The following COL19A1 variants were observed in gnomAD, a reference collection of about 807,000 sequenced individuals.
COL19A1 encodes collagen alpha-1(XIX) chain.
COL19A1 carries 159 observed loss-of-function variants against 190.2 expected under a neutral mutation model. That is an observed-to-expected ratio of 0.84 (90% CI 0.73 to 0.95). The LOEUF is 0.95. COL19A1 is among the 40% of genes least tolerant of loss of function. The pLI, the probability that COL19A1 is intolerant of heterozygous loss-of-function variation, is 0.00. For missense variants in COL19A1, 1,418 were observed against 1,431.9 expected, an observed-to-expected ratio of 0.99 and a Z score of 0.16; for synonymous variants, 509 against 458.9, an observed-to-expected ratio of 1.11 and a Z score of -1.39.
chr6:70,051,263 A>G (rs1780184302), intron 14 of COL19A1, among the ~76,000 whole-genome samples: 1 of 152,172 alleles, frequency 6.6e-6, no homozygotes, highest in South Asian at 2.1e-4. Flanking sequence ...TAGAGAAAGG[A>G]TTAGACTTAC....
intron 1 of COL19A1, among the ~76,000 whole-genome samples, chr6:69,868,214 A>G (rs572131167): frequency 8.2e-6 from 1 of 121,882 alleles, no homozygotes; most frequent in African/African-American, 2.7e-5. Flanking sequence ...AAAAAAAAAG[A>G]AAGAAAAGAG....
At chr6:70,117,389 T>C (rs1389560006) in intron 16 of COL19A1, among the ~76,000 whole-genome samples, 3 of 152,234 alleles carry the variant, frequency 2.0e-5, no homozygotes, top group Non-Finnish European at 2.9e-5. Flanking sequence ...GGAATGATAA[T>C]GCAAATAGCT....
At chr6:70,154,557 T>C (rs1473136455) in intron 31 of COL19A1, among the ~76,000 whole-genome samples, 4 of 152,166 alleles carry the variant, frequency 2.6e-5, no homozygotes, top group Admixed American at 6.5e-5. Flanking sequence ...ACAGAACTAA[T>C]AGTATATATG....
chr6:70,138,283 A>G (rs1785999326), intron 19 of COL19A1, among the ~76,000 whole-genome samples: 1 of 152,160 alleles, frequency 6.6e-6, no homozygotes, highest in South Asian at 2.1e-4. Flanking sequence ...GTGGCTTCCC[A>G]ACCACTTTTT....
At chr6:70,148,501 TATC>T (rs760140924) in intron 27 of COL19A1, among the ~76,000 whole-genome samples, 73 of 152,320 alleles carry the variant, frequency 4.8e-4, no homozygotes, top group Non-Finnish European at 8.7e-4. Context: ...ATATTGAAGT[TATC>T]ATGAAAAGTT....
At chr6:69,977,442 G>A (rs1310854909) in intron 11 of COL19A1, among the ~76,000 whole-genome samples, 3 of 151,172 alleles carry the variant, frequency 2.0e-5, no homozygotes, top group African/African-American at 2.4e-5. Context: ...AGGGGGGAGC[G>A]ATAGCATTAG....
intron 25 of COL19A1, among the ~76,000 whole-genome samples, chr6:70,146,208 A>G (rs1459417743): frequency 6.6e-6 from 1 of 152,172 alleles, no homozygotes; most frequent in East Asian, 1.9e-4. Context: ...CTAGGGCAGT[A>G]TTGTAAAACA....
At chr6:69,918,270 A>G (rs1216858608) in intron 4 of COL19A1, among the ~76,000 whole-genome samples, 1 of 152,204 alleles carries the variant, frequency 6.6e-6, no homozygotes, top group Non-Finnish European at 1.5e-5. Context: ...GCCAGACTGT[A>G]AGGAAAGGCA....
At chr6:69,943,799 C>T (rs1437389286) in intron 9 of COL19A1, among the ~76,000 whole-genome samples, 2 of 152,070 alleles carry the variant, frequency 1.3e-5, no homozygotes, top group African/African-American at 2.4e-5. Flanking sequence ...TTTGAGCATC[C>T]TTACTTTAAT....
chr6:70,168,385 G>A (rs1765295708), intron 39 of COL19A1, among the ~76,000 whole-genome samples, 170 bp downstream of exon 39: 1 of 152,116 alleles, frequency 6.6e-6, no homozygotes, highest in Non-Finnish European at 1.5e-5. Flanking sequence ...GAAAATGTAT[G>A]CAGCCAAAAT....
At chr6:70,155,079 T>C (rs556263554) in intron 31 of COL19A1, among the ~76,000 whole-genome samples, 1 of 152,248 alleles carries the variant, frequency 6.6e-6, no homozygotes, top group South Asian at 2.1e-4. Context: ...CCATCACACC[T>C]TGTAAGCTTT....
intron 12 of COL19A1, among the ~76,000 whole-genome samples, chr6:70,028,408 C>T (rs1178644535): frequency 6.6e-6 from 1 of 152,172 alleles, no homozygotes; most frequent in African/African-American, 2.4e-5. Context: ...CAGATAAAGA[C>T]TCCCAGATAA....
intron 14 of COL19A1, among the ~76,000 whole-genome samples, chr6:70,062,948 G>A (rs1163571443): frequency 6.6e-6 from 1 of 152,040 alleles, no homozygotes; most frequent in Non-Finnish European, 1.5e-5. Flanking sequence ...AAATATATAT[G>A]CACCCAATAC....
chr6:69,992,673 C>T (rs944708368), intron 11 of COL19A1, among the ~76,000 whole-genome samples: 1 of 151,882 alleles, frequency 6.6e-6, no homozygotes, highest in African/African-American at 2.4e-5. Flanking sequence ...CTTTCACTTC[C>T]CTGGTTGGCC....
At chr6:70,147,008 A>C in intron 27 of COL19A1, 119 bp downstream of exon 27, 1 of 818,520 alleles carries the variant, frequency 1.2e-6, no homozygotes, top group African/African-American at 1.7e-5. Context: ...AATAAACACT[A>C]TCCAGAGATG....
rs199869610 is a variant in COL19A1 at position 70,142,012 on chromosome 6, C to G, written c.1519-11C>G. The G allele has an allele frequency of 1.6e-5, 25 of 1,612,232 alleles. No individual in the cohort carries two copies. Among genetic ancestry groups the G allele is most frequent in the Admixed American group, 1.7e-5 (1 of 59,800 alleles). On this transcript the variant is annotated splice_polypyrimidine_tract_variant and intron_variant, in intron 21 of 50. Coordinates refer to ENST00000620364, the MANE Select transcript of COL19A1 (RefSeq NM_001858.6). Reference sequence around the variant, plus strand: ...AGAAACATTGATCTTTCCTTCCCCCCACGTGTTTAGGGTGAACCTGGAGAT... The same window carrying G: ...AGAAACATTGATCTTTCCTTCCCCCGACGTGTTTAGGGTGAACCTGGAGAT...
At position 69,935,637 on chromosome 6, in the gene COL19A1, C is replaced by T. The variant is rs1396802883; in HGVS notation, c.748-1148C>T. Among the ~76,000 whole-genome samples, 4 of 151,740 alleles carry T rather than the reference C, an allele frequency of 2.6e-5. No individual in the cohort carries two copies. The East Asian group carries it at 7.7e-4, about 29-fold the overall frequency. On this transcript the variant is annotated intron_variant, in intron 7 of 50. Transcript: ENST00000620364. ...AGTGGTGGATACAGTAAACTAGTTG[C>T]TGTATTTCTGGGTGTTGGTTTTGTT...
rs1050624868 is a variant in COL19A1, at chr6:70,151,754, C to T, written c.2079+316C>T. Among the ~76,000 whole-genome samples the T allele has an allele frequency of 2.6e-5, 4 of 152,056 alleles. 1 individual carries two copies. Among genetic ancestry groups the T allele is most frequent in the Non-Finnish European group, 5.9e-5 (4 of 67,988 alleles). ...AGCACTCTGGAGTAGATTATTCTCT[C>T]CTCTGGAGGAACATCTTTCTCTTAA... is the stretch of plus-strand genomic sequence containing the variant. On this transcript the variant is annotated intron_variant, in intron 31 of 50. Coordinates refer to ENST00000620364, the MANE Select transcript of COL19A1 (RefSeq NM_001858.6).
At position 70,028,608 on chromosome 6, in the gene COL19A1, G is replaced by T. The variant is rs142934514; in HGVS notation, c.1080+4928G>T. 3.3e-5 allele frequency among the ~76,000 whole-genome samples: 5 copies of T among 152,288 alleles called. No individual in the cohort carries two copies. In the East Asian group the frequency reaches 9.6e-4, roughly 29 times the overall value. On this transcript the variant is annotated intron_variant, in intron 12 of 50. Transcript: ENST00000620364. Reference sequence around the variant, plus strand: ...TCTGATAAAGAAACTTCCAGAGAGAGCTCCTCCCTGTACTTGAGGAGGGGT... The same window carrying T: ...TCTGATAAAGAAACTTCCAGAGAGATCTCCTCCCTGTACTTGAGGAGGGGT...
Sources: gnomAD v4.1 joint callset for allele counts (sites outside exome capture counted in the v4.1 genomes callset) on GRCh38, gnomAD v4.1.1 for gene constraint, MANE v1.5 for transcripts, NCBI Gene and HGNC (gene_info 2026-07-23, HGNC 2026-07-21) for gene names.